Variants in ANK2 observed in about 807,000 individuals in gnomAD.
The protein encoded by ANK2 is ankyrin 2.
Under a neutral mutation model 360.5 loss-of-function variants are expected in ANK2, and 83 were observed. The observed-to-expected ratio is 0.23, with a 90% CI of 0.19 to 0.28. ANK2 has a LOEUF of 0.28. ANK2 is among the 10% of genes least tolerant of loss of function. The pLI, the probability that ANK2 is intolerant of heterozygous loss-of-function variation, is 1.00. For missense variants in ANK2, 4,201 were observed against 4,795.7 expected, an observed-to-expected ratio of 0.88 and a Z score of 3.66; for synonymous variants, 1,740 against 1,759.5, an observed-to-expected ratio of 0.99 and a Z score of 0.28.
chr4:112,817,027 C>A (rs1316628720), upstream of ANK2, among the ~76,000 whole-genome samples: 1 of 152,156 alleles, frequency 6.6e-6, no homozygotes, highest in Non-Finnish European at 1.5e-5. Flanking sequence ...ACAGTGAATT[C>A]TCCTCTCTGC....
chr4:112,887,588 A>G (rs554634534), intron 1 of ANK2, among the ~76,000 whole-genome samples: 1 of 152,342 alleles, frequency 6.6e-6, no homozygotes, highest in South Asian at 2.1e-4. Flanking sequence ...TTTTAAAACC[A>G]TATACACTCT....
intron 2 of ANK2, among the ~76,000 whole-genome samples, chr4:113,029,076 A>G (rs943127976): frequency 1.3e-5 from 2 of 152,138 alleles, no homozygotes; most frequent in African/African-American, 4.8e-5. Context: ...AGATAAAAAT[A>G]AAAAGCTGGA....
At chr4:113,236,738 G>A (rs559542494) in intron 5 of ANK2, among the ~76,000 whole-genome samples, 1 of 152,244 alleles carries the variant, frequency 6.6e-6, no homozygotes, top group Admixed American at 6.5e-5. Flanking sequence ...CATCCTGTAT[G>A]TAATATGTTT....
intron 4 of ANK2, among the ~76,000 whole-genome samples, chr4:113,207,608 A>G (rs930467880): frequency 4.0e-5 from 6 of 150,920 alleles, no homozygotes; most frequent in African/African-American, 1.5e-4. Context: ...ATTAATGTGT[A>G]TATTCCACAA....
chr4:112,754,309 C>G, the ANK2 span, among the ~76,000 whole-genome samples: 1 of 151,030 alleles, frequency 6.6e-6, no homozygotes, highest in East Asian at 1.9e-4. Flanking sequence ...GCACTGAAGC[C>G]AAAGCCCCTT....
intron 9 of ANK2, among the ~76,000 whole-genome samples, chr4:113,245,219 A>T (rs1287856773): frequency 6.6e-6 from 1 of 152,194 alleles, no homozygotes; most frequent in Non-Finnish European, 1.5e-5. Flanking sequence ...ATCAAGTAGG[A>T]GGTAAATACT....
chr4:113,112,977 C>G (rs1479655172), intron 1 of ANK2, among the ~76,000 whole-genome samples: 1 of 152,104 alleles, frequency 6.6e-6, no homozygotes, highest in Non-Finnish European at 1.5e-5. Flanking sequence ...TTTGCATTAT[C>G]AAATTGGCTT....
At chr4:112,755,010 T>C in the ANK2 span, among the ~76,000 whole-genome samples, 1 of 152,228 alleles carries the variant, frequency 6.6e-6, no homozygotes, top group African/African-American at 2.4e-5. Context: ...TGAAGGCATA[T>C]CATCTTAGAA....
At position 113,151,087 on chromosome 4, in the gene ANK2, G is replaced by A. The variant is rs2097059719; in HGVS notation, c.85-23329G>A. On this transcript the variant is annotated intron_variant, in intron 1 of 45. Transcript: ENST00000357077. ...GGAATTTTCCCACTACAGGTGACATGCCCCCAGATGAAACCAGAGGCCGCC... is the reference window on the plus strand; with the variant it reads ...GGAATTTTCCCACTACAGGTGACATACCCCCAGATGAAACCAGAGGCCGCC... 2.3e-6 allele frequency: 3 copies of A among 1,288,812 alleles called. No individual in the cohort carries two copies. The highest frequency in any genetic ancestry group is 3.0e-6 in the Non-Finnish European group (3 of 988,614). The allele number at this position is 1,288,812 out of a possible 1,614,324, so 79.8% of individuals were successfully genotyped here.
At chr4:113,324,060 C>T (rs1226771438) in intron 26 of ANK2, among the ~76,000 whole-genome samples, 1 of 152,168 alleles carries the variant, frequency 6.6e-6, no homozygotes, top group Admixed American at 6.5e-5. Context: ...GGTCATGGGT[C>T]TCCACATCTC....
At chr4:113,317,305 C>A in intron 24 of ANK2, 1 of 245,200 alleles carries the variant, frequency 4.1e-6, no homozygotes. Flanking sequence ...ATCTACTTTC[C>A]TCCTTATATT....
chr4:113,248,059 G>C (rs1246178485), intron 9 of ANK2, among the ~76,000 whole-genome samples: 4 of 152,030 alleles, frequency 2.6e-5, no homozygotes, highest in African/African-American at 9.7e-5. Context: ...TTTTTTCTGA[G>C]AAGGCAATCT....
chr4:113,249,913 A>T (rs1361468222), intron 10 of ANK2, 51 bp downstream of exon 10: 7 of 1,481,716 alleles, frequency 4.7e-6, no homozygotes, highest in Admixed American at 1.8e-5. Context: ...AAGTTACTTG[A>T]TGTATTATCT....
chr4:113,252,090 G>A (rs1045368207), intron 10 of ANK2, among the ~76,000 whole-genome samples: 7 of 152,244 alleles, frequency 4.6e-5, no homozygotes, highest in South Asian at 2.1e-4. Context: ...TCACAGTCAC[G>A]AGGCTGAGGA....
the ANK2 span, among the ~76,000 whole-genome samples, chr4:112,742,729 CT>C: frequency 1.6e-3 from 230 of 144,296 alleles, no homozygotes; most frequent in Admixed American, 1.8e-3. Context: ...TCCACATCTT[CT>C]TTTTTTTTTT....
intron 1 of ANK2, among the ~76,000 whole-genome samples, chr4:113,079,244 C>G (rs1049604297): frequency 6.6e-6 from 1 of 152,118 alleles, no homozygotes; most frequent in Non-Finnish European, 1.5e-5. Context: ...TCTTTGTTAG[C>G]CTCGATTGTT....
chr4:113,179,964 C>T (rs1376066290), intron 2 of ANK2, among the ~76,000 whole-genome samples: 2 of 152,204 alleles, frequency 1.3e-5, no homozygotes, highest in Non-Finnish European at 2.9e-5. Flanking sequence ...ATTAACAGGT[C>T]TTAAAATGCC....
intron 1 of ANK2, among the ~76,000 whole-genome samples, chr4:112,858,822 C>T (rs964640943): frequency 2.6e-5 from 4 of 152,088 alleles, no homozygotes; most frequent in African/African-American, 9.7e-5. Context: ...GGCTATTTGA[C>T]CATTCAACAA....
At chr4:113,208,591 T>G (rs1436674776) in intron 4 of ANK2, among the ~76,000 whole-genome samples, 1 of 151,946 alleles carries the variant, frequency 6.6e-6, no homozygotes, top group Non-Finnish European at 1.5e-5. Flanking sequence ...AGTCTCAAAC[T>G]CCCAGGCTCA....
Sources: gnomAD v4.1 joint callset for allele counts (sites outside exome capture counted in the v4.1 genomes callset) on GRCh38, gnomAD v4.1.1 for gene constraint, MANE v1.5 for transcripts, NCBI Gene and HGNC (gene_info 2026-07-23, HGNC 2026-07-21) for gene names.